Variants in PHF20 observed in about 807,000 individuals in gnomAD.
The protein encoded by PHF20 is glioma-expressed antigen 2.
In PHF20, 23 loss-of-function variants were observed where a neutral mutation model predicts 113.5. That is an observed-to-expected ratio of 0.20 (90% CI 0.15 to 0.29). PHF20 has a LOEUF of 0.29. PHF20 is among the 10% of genes least tolerant of loss of function. The pLI, the probability that PHF20 is intolerant of heterozygous loss-of-function variation, is 1.00. For synonymous variants in PHF20, 434 were observed against 457.3 expected, an observed-to-expected ratio of 0.95 and a Z score of 0.65; for missense variants, 943 against 1,219.6, an observed-to-expected ratio of 0.77 and a Z score of 3.38.
intron 10 of PHF20, among the ~76,000 whole-genome samples, chr20:35,900,564 T>C (rs755256304): frequency 1.1e-4 from 17 of 152,214 alleles, no homozygotes; most frequent in Non-Finnish European, 7.3e-5. Context: ...CCAGGCACAG[T>C]GTCTCATGCC....
intron 2 of PHF20, among the ~76,000 whole-genome samples, chr20:35,837,610 A>ATGCTTT (rs2042465336): frequency 6.6e-6 from 1 of 152,238 alleles, no homozygotes. Context: ...GGTAGGTAAA[A>ATGCTTT]AGCAGTTGAT....
intron 2 of PHF20, among the ~76,000 whole-genome samples, chr20:35,834,907 A>G (rs902530570): frequency 1.3e-5 from 2 of 152,258 alleles, no homozygotes. Flanking sequence ...GAGGAAAACT[A>G]TTGATTTTTG....
At chr20:35,840,820 T>G (rs1318658558) in intron 2 of PHF20, among the ~76,000 whole-genome samples, 1 of 152,124 alleles carries the variant, frequency 6.6e-6, no homozygotes, top group Non-Finnish European at 1.5e-5. Flanking sequence ...CCAAGGGTCT[T>G]TATGACCTTG....
chr20:35,896,206 T>C (rs1042558293), intron 9 of PHF20, among the ~76,000 whole-genome samples: 1 of 151,922 alleles, frequency 6.6e-6, no homozygotes, highest in African/African-American at 2.4e-5. Flanking sequence ...TTAGATCAAA[T>C]TTAAGAGTTT....
At chr20:35,896,662 G>C (rs6119673) in intron 9 of PHF20, among the ~76,000 whole-genome samples, 1 of 151,380 alleles carries the variant, frequency 6.6e-6, no homozygotes, top group Non-Finnish European at 1.5e-5. Flanking sequence ...AAAACTGGAC[G>C]TGGTGGTGGG....
chr20:35,826,769 C>G (rs892678558), intron 2 of PHF20, among the ~76,000 whole-genome samples: 1 of 152,136 alleles, frequency 6.6e-6, no homozygotes, highest in African/African-American at 2.4e-5. Context: ...GGCTCTGTAT[C>G]AGGCATTCTG....
At position 35,899,428 on chromosome 20, in the gene PHF20, C is replaced by T; in HGVS notation, c.1341C>T (p.Asp447=). ...DFGSSNAPAV[D]LDHKFRCKVV... ...GGTCATCTAATGCACCAGCTGTCGA[C>T]CTAGACCATAAGTTTAGATGCAAAG... Residue 447 remains aspartate, a synonymous_variant, in exon 10 of 18, where the codon GAC becomes GAT. Coordinates refer to ENST00000374012, the MANE Select transcript of PHF20 (RefSeq NM_016436.5). 6.2e-7 allele frequency: 1 copy of T among 1,614,006 alleles called. No homozygotes were observed. Among genetic ancestry groups the T allele is most frequent in the Non-Finnish European group, 8.5e-7 (1 of 1,179,906 alleles).
At chr20:35,924,736 G>T (rs1323647043) in intron 13 of PHF20, among the ~76,000 whole-genome samples, 1 of 151,952 alleles carries the variant, frequency 6.6e-6, no homozygotes, top group Non-Finnish European at 1.5e-5. Context: ...GGGACTACAG[G>T]TGTGTACCAC....
Position 35,878,099 on chromosome 20 carries a change from G to A in PHF20, c.1282+6270G>A, listed in dbSNP as rs113604474. Reference sequence around the variant, plus strand: ...TCTCTATGGTTTCTTGAGCAGGAGAGTCATAGATCTACAGCCATTTTAGTT... The same window carrying A: ...TCTCTATGGTTTCTTGAGCAGGAGAATCATAGATCTACAGCCATTTTAGTT... On this transcript the variant is annotated intron_variant, in intron 9 of 17. Transcript: ENST00000374012. Among the ~76,000 whole-genome samples the A allele has an allele frequency of 3.3e-3, 506 of 152,286 alleles. 2 individuals are homozygous for A. Among genetic ancestry groups the A allele is most frequent in the African/African-American group, 0.011 (464 of 41,568 alleles).
chr20:35,785,444 C>G (rs774280727), intron 1 of PHF20, among the ~76,000 whole-genome samples: 1 of 151,898 alleles, frequency 6.6e-6, no homozygotes, highest in Non-Finnish European at 1.5e-5. Flanking sequence ...CTTAGCCTCC[C>G]GAGTAGGTGG....
At chr20:35,924,702 C>T (rs865940679) in intron 13 of PHF20, among the ~76,000 whole-genome samples, 1 of 151,986 alleles carries the variant, frequency 6.6e-6, no homozygotes, top group African/African-American at 2.4e-5. Context: ...AAGTGATCCT[C>T]CTGCCTCAGC....
At chr20:35,854,488 T>C (rs1254932218) in intron 4 of PHF20, among the ~76,000 whole-genome samples, 8 of 152,204 alleles carry the variant, frequency 5.3e-5, no homozygotes, top group Non-Finnish European at 1.2e-4. Context: ...GAGGATTCCA[T>C]GTGAAGACAA....
intron 2 of PHF20, among the ~76,000 whole-genome samples, chr20:35,821,648 G>C (rs1364229304): frequency 2.0e-5 from 3 of 152,130 alleles, no homozygotes; most frequent in African/African-American, 4.8e-5. Flanking sequence ...GACAGAGCCA[G>C]ACCCTGTCTC....
chr20:35,865,059 G>A (rs894416799), intron 6 of PHF20, among the ~76,000 whole-genome samples: 2 of 152,088 alleles, frequency 1.3e-5, no homozygotes, highest in African/African-American at 2.4e-5. Flanking sequence ...AGGCTTGGTG[G>A]TGGGTGCCTG....
chr20:35,842,626 A>G lies in PHF20; in HGVS notation c.137A>G (p.His46Arg). ...IDYEEGKVLIHFKRWNHRYDE... is the reference protein window; with the variant it reads ...IDYEEGKVLIRFKRWNHRYDE... ...TACGAGGAAGGAAAAGTACTCATCC[A>G]TTTCAAGCGTTGGAACCATCGTTAT... Residue 46 changes from histidine to arginine, a missense_variant, in exon 3 of 18, where the codon CAT becomes CGT. By Grantham distance (29) the His-to-Arg change is conservative (BLOSUM62 0). Around this residue, in one of 3 missense-constraint regions of PHF20, gnomAD observed 592 missense variants for 787.2 expected, o/e 0.75. Transcript: ENST00000374012. 1 of 1,613,958 alleles carries G rather than the reference A, an allele frequency of 6.2e-7. No individual in the cohort carries two copies. Among genetic ancestry groups the G allele is most frequent in the East Asian group, 2.2e-5 (1 of 44,872 alleles).
chr20:35,805,948 ACCT>A (rs1425030318), intron 2 of PHF20, among the ~76,000 whole-genome samples: 1 of 150,466 alleles, frequency 6.6e-6, no homozygotes, highest in African/African-American at 2.5e-5. Flanking sequence ...TGCAACCTCC[ACCT>A]CCTCCTGGGT....
At chr20:35,890,160 C>T (rs966093565) in intron 9 of PHF20, among the ~76,000 whole-genome samples, 4 of 151,866 alleles carry the variant, frequency 2.6e-5, no homozygotes, top group South Asian at 2.1e-4. Flanking sequence ...CCTGAGTAGC[C>T]GAGACTATGG....
chr20:35,839,020 G>A (rs1020059467), intron 2 of PHF20, among the ~76,000 whole-genome samples: 1 of 150,664 alleles, frequency 6.6e-6, no homozygotes, highest in Admixed American at 6.6e-5. Flanking sequence ...AGTGATTTCC[G>A]TGTAAAGAAA....
intron 10 of PHF20, among the ~76,000 whole-genome samples, chr20:35,908,154 G>A (rs1181254640): frequency 1.3e-5 from 2 of 152,216 alleles, no homozygotes; most frequent in African/African-American, 4.8e-5. Context: ...AGGGAAGAGT[G>A]CCTGTCCCAG....
Sources: gnomAD v4.1 joint callset for allele counts (sites outside exome capture counted in the v4.1 genomes callset) on GRCh38, gnomAD v4.1.1 for gene constraint, gnomAD v4.1.1 regional missense constraint, MANE v1.5 for transcripts, NCBI Gene and HGNC (gene_info 2026-07-23, HGNC 2026-07-21) for gene names.